Variants in RNF220 observed in about 807,000 individuals in gnomAD.
The protein encoded by RNF220 is E3 ubiquitin-protein ligase RNF220.
Under a neutral mutation model 67.1 loss-of-function variants are expected in RNF220, and 7 were observed. The ratio of observed to expected loss-of-function variants is 0.10; its 90% CI spans 0.06 to 0.20. The LOEUF (loss-of-function observed/expected upper bound fraction) is 0.20, where lower values mean the gene tolerates loss of function less well. Among genes scored for constraint, RNF220 ranks in the 10% least tolerant of loss-of-function variants. RNF220 has a pLI of 1.00. For missense variants in RNF220, 565 were observed against 740.3 expected (o/e 0.76, Z 2.75); for synonymous variants, 270 against 283.2 (o/e 0.95, Z 0.47).
chr1:44,457,497 G>A (rs1422667787), intron 2 of RNF220, among the ~76,000 whole-genome samples: 1 of 151,884 alleles, frequency 6.6e-6, no homozygotes, highest in East Asian at 1.9e-4. Context: ...AGAAAGACGG[G>A]CAAGAGGGAC....
At chr1:44,443,660 G>C (rs946681911) in intron 2 of RNF220, among the ~76,000 whole-genome samples, 2 of 152,144 alleles carry the variant, frequency 1.3e-5, no homozygotes, top group Non-Finnish European at 2.9e-5. Context: ...CTGTTAATGA[G>C]TATTTTGGTT....
chr1:44,619,871 G>A (rs1475323415), intron 3 of RNF220, among the ~76,000 whole-genome samples: 1 of 152,206 alleles, frequency 6.6e-6, no homozygotes, highest in Non-Finnish European at 1.5e-5. Flanking sequence ...GGAAGATAGG[G>A]AGGGGGTCCC....
chr1:44,549,687 G>A (rs1251228459), intron 2 of RNF220, among the ~76,000 whole-genome samples: 1 of 152,050 alleles, frequency 6.6e-6, no homozygotes, highest in Non-Finnish European at 1.5e-5. Context: ...GTGACTGAAG[G>A]GCCTCAGAGG....
intron 2 of RNF220, among the ~76,000 whole-genome samples, chr1:44,503,794 C>T (rs948934043): frequency 6.6e-6 from 1 of 152,152 alleles, no homozygotes; most frequent in Admixed American, 6.5e-5. Flanking sequence ...AATCCTCAGG[C>T]GCCACCCTAG....
intron 1 of RNF220, among the ~76,000 whole-genome samples, chr1:44,406,876 A>G (rs1647390822): frequency 6.6e-6 from 1 of 152,266 alleles, no homozygotes; most frequent in Admixed American, 6.5e-5. Flanking sequence ...CCCCCAGTCC[A>G]GGAGCCTCTC....
At chr1:44,497,436 A>G (rs1657440154) in intron 2 of RNF220, among the ~76,000 whole-genome samples, 1 of 152,014 alleles carries the variant, frequency 6.6e-6, no homozygotes, top group Admixed American at 6.6e-5. Context: ...AAACAACCCT[A>G]GGAGTCTCAA....
intron 2 of RNF220, among the ~76,000 whole-genome samples, chr1:44,454,892 T>C (rs1653026768): frequency 6.6e-6 from 1 of 152,194 alleles, no homozygotes; most frequent in Non-Finnish European, 1.5e-5. Context: ...TGTTACTGAG[T>C]AGTATTCCAT....
At chr1:44,408,519 T>A (rs181406186) in intron 1 of RNF220, among the ~76,000 whole-genome samples, 1,783 of 151,908 alleles carry the variant, frequency 0.012, 38 homozygotes, top group African/African-American at 0.039. Flanking sequence ...AAAAAAAAAA[T>A]TTTTTTCCTG....
chr1:44,426,584 A>G (rs916870622), intron 2 of RNF220, among the ~76,000 whole-genome samples: 1 of 152,096 alleles, frequency 6.6e-6, no homozygotes, highest in African/African-American at 2.4e-5. Flanking sequence ...AAAATTAGTC[A>G]GGCATGGTGG....
chr1:44,418,094 AAG>A (rs1234708948), intron 2 of RNF220, among the ~76,000 whole-genome samples: 1 of 151,998 alleles, frequency 6.6e-6, no homozygotes, highest in Admixed American at 6.5e-5. Context: ...GTCTGAGCAG[AAG>A]AGAGTGGGAA....
At chr1:44,631,498 C>T (rs1185474503) in intron 5 of RNF220, among the ~76,000 whole-genome samples, 1 of 152,174 alleles carries the variant, frequency 6.6e-6, no homozygotes, top group Non-Finnish European at 1.5e-5. Flanking sequence ...CCATGTTGGC[C>T]ATGTTGGCCG....
At chr1:44,619,418 G>A (rs953335636) in intron 3 of RNF220, among the ~76,000 whole-genome samples, 2 of 152,160 alleles carry the variant, frequency 1.3e-5, no homozygotes, top group South Asian at 2.1e-4. Context: ...GGCCGGCCTC[G>A]GTGTTTGGTT....
chr1:44,575,689 A>T (rs1664753786), intron 2 of RNF220, among the ~76,000 whole-genome samples: 1 of 152,230 alleles, frequency 6.6e-6, no homozygotes, highest in Non-Finnish European at 1.5e-5. Context: ...GAACTCTTAT[A>T]CACAGTTGGT....
chr1:44,484,110 A>C (rs762798266), intron 2 of RNF220, among the ~76,000 whole-genome samples: 1 of 152,144 alleles, frequency 6.6e-6, no homozygotes, highest in Non-Finnish European at 1.5e-5. Context: ...TCTCATTTTC[A>C]GGGTTTATTA....
At chr1:44,616,345 A>G (rs1306800944) in intron 3 of RNF220, among the ~76,000 whole-genome samples, 1 of 152,214 alleles carries the variant, frequency 6.6e-6, no homozygotes, top group African/African-American at 2.4e-5. Flanking sequence ...ACCAGTGATA[A>G]TAATAATAAT....
intron 2 of RNF220, among the ~76,000 whole-genome samples, chr1:44,490,349 A>G (rs577253871): frequency 6.6e-6 from 1 of 152,176 alleles, no homozygotes; most frequent in East Asian, 1.9e-4. Context: ...GAGCGCCTGT[A>G]ATCCCAGCTA....
intron 2 of RNF220, among the ~76,000 whole-genome samples, chr1:44,506,787 A>G (rs1018999374): frequency 3.9e-5 from 6 of 152,182 alleles, no homozygotes; most frequent in African/African-American, 1.4e-4. Flanking sequence ...ATTCATAGAC[A>G]CAGAAGTTCC....
chr1:44,463,570 A>G (rs1000856565), intron 2 of RNF220, among the ~76,000 whole-genome samples: 1 of 151,834 alleles, frequency 6.6e-6, no homozygotes, highest in African/African-American at 2.4e-5. Flanking sequence ...TCAAAGTCAT[A>G]TGCTAAGCTT....
chr1:44,629,700 A>C (rs752150490), intron 5 of RNF220, among the ~76,000 whole-genome samples: 1 of 152,178 alleles, frequency 6.6e-6, no homozygotes, highest in Non-Finnish European at 1.5e-5. Context: ...AAAAAAATTA[A>C]TAATAAAGAA....
Sources: gnomAD v4.1 joint callset for allele counts (sites outside exome capture counted in the v4.1 genomes callset) on GRCh38, gnomAD v4.1.1 for gene constraint, MANE v1.5 for transcripts, NCBI Gene and HGNC (gene_info 2026-07-23, HGNC 2026-07-21) for gene names.